The following EXOC4 variants were observed in gnomAD, a reference collection of about 807,000 sequenced individuals.
EXOC4 encodes the protein SEC8-like 1.
EXOC4 carries 71 observed loss-of-function variants against 107.2 expected under a neutral mutation model. The ratio of observed to expected loss-of-function variants is 0.66; its 90% CI spans 0.55 to 0.81. The LOEUF (loss-of-function observed/expected upper bound fraction) is 0.81. Ranked by LOEUF, EXOC4 falls within the 30% of genes least tolerant of loss-of-function variation. The probability of loss-of-function intolerance (pLI) is 0.00; values close to 1 mark genes in which losing one functional copy is unlikely to be tolerated. For synonymous variants in EXOC4, 456 were observed against 441.2 expected, an observed-to-expected ratio of 1.03 and a Z score of -0.42; for missense variants, 1,108 against 1,189.6, an observed-to-expected ratio of 0.93 and a Z score of 1.01.
intron 10 of EXOC4, among the ~76,000 whole-genome samples, chr7:133,758,508 A>G (rs1005771815): frequency 2.6e-5 from 4 of 152,236 alleles, no homozygotes; most frequent in African/African-American, 9.6e-5. Flanking sequence ...TAGGGACAGA[A>G]AGATGATTAA....
chr7:133,472,579 T>G (rs978928018), intron 7 of EXOC4, among the ~76,000 whole-genome samples: 4 of 152,128 alleles, frequency 2.6e-5, no homozygotes, highest in Non-Finnish European at 4.4e-5. Flanking sequence ...ATATCAAGCA[T>G]GCAGTCACAG....
At chr7:133,292,333 C>CT (rs1794426482) in intron 3 of EXOC4, among the ~76,000 whole-genome samples, 1 of 152,120 alleles carries the variant, frequency 6.6e-6, no homozygotes, top group African/African-American at 2.4e-5. Context: ...ATCTGTGAAC[C>CT]TAATATTCCT....
intron 10 of EXOC4, among the ~76,000 whole-genome samples, chr7:133,631,126 A>T (rs1802582078): frequency 6.6e-6 from 1 of 152,096 alleles, no homozygotes; most frequent in African/African-American, 2.4e-5. Context: ...CTAATATATC[A>T]ATTGTGTGTT....
At chr7:133,872,889 G>T (rs749463173) in intron 11 of EXOC4, among the ~76,000 whole-genome samples, 1 of 152,140 alleles carries the variant, frequency 6.6e-6, no homozygotes, top group Non-Finnish European at 1.5e-5. Context: ...CATGATAACC[G>T]AGTCTTTGTA....
At chr7:133,736,539 CA>C (rs1795448556) in intron 10 of EXOC4, among the ~76,000 whole-genome samples, 1 of 152,190 alleles carries the variant, frequency 6.6e-6, no homozygotes, top group African/African-American at 2.4e-5. Context: ...AAGGTTACAT[CA>C]ACAGATTTCC....
chr7:133,928,347 CTCTAG>C (rs1441581244), intron 13 of EXOC4, among the ~76,000 whole-genome samples: 1 of 152,168 alleles, frequency 6.6e-6, no homozygotes, highest in Non-Finnish European at 1.5e-5. Context: ...CGGTGAGACG[CTCTAG>C]TAGCACTGCC....
intron 5 of EXOC4, among the ~76,000 whole-genome samples, chr7:133,351,301 A>G (rs919231719): frequency 1.3e-5 from 2 of 152,016 alleles, no homozygotes; most frequent in Non-Finnish European, 2.9e-5. Flanking sequence ...GGTAGAATTG[A>G]CCAGTGAAGC....
intron 12 of EXOC4, among the ~76,000 whole-genome samples, chr7:133,909,610 A>C (rs1799645668): frequency 6.6e-6 from 1 of 152,218 alleles, no homozygotes; most frequent in Non-Finnish European, 1.5e-5. Flanking sequence ...TTCTGGCTGC[A>C]CATGAGAATC....
chr7:134,075,909 C>G, the EXOC4 span, among the ~76,000 whole-genome samples: 4 of 152,158 alleles, frequency 2.6e-5, no homozygotes, highest in Non-Finnish European at 5.9e-5. Flanking sequence ...CAGAGCAGAG[C>G]CCCAGCTGAC....
chr7:133,493,748 T>A (rs963638128), intron 9 of EXOC4, among the ~76,000 whole-genome samples: 2 of 152,190 alleles, frequency 1.3e-5, no homozygotes, highest in Admixed American at 1.3e-4. Flanking sequence ...AATCTTGTAA[T>A]GTTAAGTGAC....
At chr7:133,791,945 ACAT>A (rs1796711200) in intron 10 of EXOC4, among the ~76,000 whole-genome samples, 1 of 152,194 alleles carries the variant, frequency 6.6e-6, no homozygotes, top group South Asian at 2.1e-4. Context: ...GGGTGTGGAA[ACAT>A]CATTGAACAT....
intron 7 of EXOC4, among the ~76,000 whole-genome samples, chr7:133,415,146 A>G (rs1233684013): frequency 6.6e-6 from 1 of 151,620 alleles, no homozygotes; most frequent in Non-Finnish European, 1.5e-5. Flanking sequence ...ATTTCATTGT[A>G]TAGATATACC....
Position 133,834,376 on chromosome 7 carries a change from T to TA in EXOC4, c.1734+16839dup, listed in dbSNP as rs1157098615. Among the ~76,000 whole-genome samples the TA allele has an allele frequency of 3.9e-5, 6 of 152,212 alleles. No individual in the cohort carries two copies. In the South Asian group the frequency reaches 1.0e-3, roughly 26 times the overall value. The stretch of plus-strand genomic sequence containing the variant: ...TTCCTTTTAAGTGCCCACCTTATCT[T>TA]AAAAAAATCAAATGTTTAGCCAACC... On this transcript the variant is annotated intron_variant, in intron 11 of 17. Coordinates refer to ENST00000253861, the MANE Select transcript of EXOC4 (RefSeq NM_021807.4).
In EXOC4 at chr7:133,755,807, G is replaced by A. The variant is rs1795905207; in HGVS notation, c.1515-61518G>A. ...CCTGAGCCTCTTAAACCATTTCCAA[G>A]ATATTCCTGTTTTTAATTTCTTCGT... On this transcript the variant is annotated intron_variant, in intron 10 of 17. Transcript: ENST00000253861. 2.0e-5 allele frequency among the ~76,000 whole-genome samples: 3 copies of A among 152,218 alleles called. No individual in the cohort carries two copies. The South Asian group carries it at 6.2e-4, about 32-fold the overall frequency.
intron 17 of EXOC4, among the ~76,000 whole-genome samples, chr7:134,042,711 A>G (rs1795548555): frequency 6.6e-6 from 1 of 152,128 alleles, no homozygotes; most frequent in Admixed American, 6.5e-5. Flanking sequence ...CCACACCTAA[A>G]TCTTGTTTCC....
chr7:133,950,783 T>C (rs1181762040), intron 14 of EXOC4, among the ~76,000 whole-genome samples: 2 of 152,176 alleles, frequency 1.3e-5, no homozygotes, highest in African/African-American at 4.8e-5. Context: ...CCCTTTAGGA[T>C]TGGCTTTACA....
intron 14 of EXOC4, among the ~76,000 whole-genome samples, chr7:133,968,037 A>G (rs905082801): frequency 6.6e-6 from 1 of 152,224 alleles, no homozygotes; most frequent in Admixed American, 6.5e-5. Flanking sequence ...ATATATATTT[A>G]GGATAGTTAG....
At chr7:133,346,777 G>C (rs1160362496) in intron 5 of EXOC4, among the ~76,000 whole-genome samples, 2 of 152,196 alleles carry the variant, frequency 1.3e-5, no homozygotes, top group Non-Finnish European at 2.9e-5. Context: ...AAGTTACGTA[G>C]ATTGAAATCA....
At chr7:133,659,848 C>G (rs1803397670) in intron 10 of EXOC4, among the ~76,000 whole-genome samples, 1 of 152,212 alleles carries the variant, frequency 6.6e-6, no homozygotes, top group South Asian at 2.1e-4. Flanking sequence ...CTGACAAACC[C>G]TCTTTGCTTT....
Sources: gnomAD v4.1 joint callset for allele counts (sites outside exome capture counted in the v4.1 genomes callset) on GRCh38, gnomAD v4.1.1 for gene constraint, MANE v1.5 for transcripts, NCBI Gene and HGNC (gene_info 2026-07-23, HGNC 2026-07-21) for gene names.